PTPN13: variants seen among roughly 807,000 people sequenced by gnomAD.
PTPN13 encodes the protein tyrosine-protein phosphatase non-receptor type 13.
PTPN13 carries 191 observed loss-of-function variants against 284.0 expected under a neutral mutation model. The ratio of observed to expected loss-of-function variants is 0.67; its 90% CI spans 0.60 to 0.76. The LOEUF (loss-of-function observed/expected upper bound fraction) is 0.76. Ranked by LOEUF, PTPN13 falls within the 30% of genes least tolerant of loss-of-function variation. The probability of loss-of-function intolerance (pLI) is 0.00; values close to 1 mark genes in which losing one functional copy is unlikely to be tolerated. For synonymous variants in PTPN13, 986 were observed against 1,022.3 expected, an observed-to-expected ratio of 0.96 and a Z score of 0.68; for missense variants, 2,797 against 2,939.9, an observed-to-expected ratio of 0.95 and a Z score of 1.12.
At chr4:86,807,967 C>T (rs780797926) in intron 45 of PTPN13, 70 bp downstream of exon 45, 60 of 1,283,640 alleles carry the variant, frequency 4.7e-5, no homozygotes, top group Admixed American at 1.2e-4. Flanking sequence ...GGACTCTTTC[C>T]GTGATTGCAC....
chr4:86,756,326 T>TA (rs1204217358), intron 20 of PTPN13, among the ~76,000 whole-genome samples: 2 of 152,040 alleles, frequency 1.3e-5, no homozygotes, highest in African/African-American at 2.4e-5. Context: ...TTGTTCTAGC[T>TA]AAAAAATAGA....
rs1438619717 is a variant in PTPN13 at position 86,713,870 on chromosome 4, CTTA to C, written c.1196-2654_1196-2652del. Among the ~76,000 whole-genome samples the C allele has an allele frequency of 2.6e-5, 4 of 152,234 alleles. No individual in the cohort carries two copies. The East Asian group carries it at 5.8e-4, about 22-fold the overall frequency. On this transcript the variant is annotated intron_variant, in intron 7 of 47. Transcript: ENST00000411767. ...TCTATGGTACCATTTAACTATTTCA[CTTA>C]TTATTCTTTTTCTGTTAAGAATCTC...
At chr4:86,721,567 G>GATC (rs1189650885) in intron 9 of PTPN13, among the ~76,000 whole-genome samples, 2 of 152,100 alleles carry the variant, frequency 1.3e-5, no homozygotes, top group Non-Finnish European at 2.9e-5. Context: ...TAGGTAGTAT[G>GATC]ATCAGTTTCA....
chr4:86,643,210 G>A (rs1171142026), intron 2 of PTPN13, among the ~76,000 whole-genome samples: 1 of 152,092 alleles, frequency 6.6e-6, no homozygotes, highest in Non-Finnish European at 1.5e-5. Context: ...ATAGAATAAA[G>A]CATTTGATAA....
Position 86,767,947 on chromosome 4 carries a change from A to G in PTPN13, c.4460A>G (p.Gln1487Arg). The stretch of plus-strand genomic sequence containing the variant: ...CCAGAAAAAGTGAAGAAAACAACTC[A>G]GGTCAAAGACTACAGCTTTGTCACT... ...QGPEKVKKTT[Q>R]VKDYSFVTEE... Residue 1487 changes from glutamine (Q) to arginine (R), a missense_variant, in exon 28 of 48, where the codon CAG (glutamine) becomes CGG (arginine). By Grantham distance (43) the Gln-to-Arg change is conservative (BLOSUM62 1). Transcript: ENST00000411767. The G allele has an allele frequency of 6.2e-7, 1 of 1,611,690 alleles. No individual in the cohort carries two copies. The highest frequency in any genetic ancestry group is 8.5e-7 in the Non-Finnish European group (1 of 1,178,968).
rs146245341 is a variant in PTPN13, at chr4:86,793,416, C to T, written c.6346-3458C>T. Among the ~76,000 whole-genome samples the T allele has an allele frequency of 1.4e-3, 211 of 152,266 alleles. 2 individuals carry two copies. The highest frequency in any genetic ancestry group is 4.8e-3 in the African/African-American group (199 of 41,556). On this transcript the variant is annotated intron_variant, in intron 40 of 47. Coordinates refer to ENST00000411767, the MANE Select transcript of PTPN13 (RefSeq NM_080683.3). ...ACACAATAATAATGGGAGACTTTAA[C>T]ACCCCACTGTCAATATTAGACAGGT... is the stretch of plus-strand genomic sequence containing the variant.
At chr4:86,597,897 T>G (rs368060407) in intron 1 of PTPN13, among the ~76,000 whole-genome samples, 1 of 152,230 alleles carries the variant, frequency 6.6e-6, no homozygotes, top group African/African-American at 2.4e-5. Context: ...AGTGCTTGTT[T>G]AGATGTGTTT....
chr4:86,646,702 CACTCCT>C lies in PTPN13; in HGVS notation c.115+11333_115+11338del, dbSNP rs1724469143. ...AAAAGTTAAATATACCTGCCATATA[CACTCCT>C]AGTTACTTACTTAAAAGAGATGAAA... On this transcript the variant is annotated intron_variant, in intron 2 of 47. Coordinates refer to ENST00000411767, the MANE Select transcript of PTPN13 (RefSeq NM_080683.3). Among the ~76,000 whole-genome samples, 4 of 152,210 alleles carry C rather than the reference CACTCCT, an allele frequency of 2.6e-5. No individual in the cohort carries two copies. The South Asian group carries it at 8.3e-4, about 31-fold the overall frequency.
At chr4:86,665,834 A>G (rs987976615) in intron 2 of PTPN13, among the ~76,000 whole-genome samples, 1 of 152,124 alleles carries the variant, frequency 6.6e-6, no homozygotes, top group Non-Finnish European at 1.5e-5. Context: ...CTGTGGGGGG[A>G]AAATGCTAAG....
At chr4:86,610,941 G>C (rs1043215142) in intron 1 of PTPN13, among the ~76,000 whole-genome samples, 7 of 152,116 alleles carry the variant, frequency 4.6e-5, no homozygotes, top group Non-Finnish European at 1.0e-4. Context: ...TAAATAATTG[G>C]ATTTTTTGTG....
At chr4:86,683,495 C>T (rs1220320611) in intron 3 of PTPN13, among the ~76,000 whole-genome samples, 3 of 152,168 alleles carry the variant, frequency 2.0e-5, no homozygotes, top group Non-Finnish European at 2.9e-5. Flanking sequence ...TTCAGGCCTT[C>T]AACTGACTGG....
At chr4:86,686,355 A>G (rs1485731992) in intron 3 of PTPN13, among the ~76,000 whole-genome samples, 1 of 147,122 alleles carries the variant, frequency 6.8e-6, no homozygotes, top group Non-Finnish European at 1.5e-5. Flanking sequence ...ACTCTGCCTC[A>G]AAAAAAAAAA....
At chr4:86,690,553 A>G (rs1269694875) in intron 5 of PTPN13, among the ~76,000 whole-genome samples, 2 of 152,102 alleles carry the variant, frequency 1.3e-5, no homozygotes, top group East Asian at 3.9e-4. Context: ...TAAGACTAAT[A>G]TTCTTTAAAA....
At chr4:86,681,817 A>G (rs1728925013) in intron 3 of PTPN13, among the ~76,000 whole-genome samples, 1 of 152,016 alleles carries the variant, frequency 6.6e-6, no homozygotes, top group South Asian at 2.1e-4. Flanking sequence ...AATCCCAGCT[A>G]CTCAAGAGGC....
intron 30 of PTPN13, 72 bp from the exon 31 acceptor site, chr4:86,771,099 G>T (rs766185654): frequency 6.9e-7 from 1 of 1,445,958 alleles, no homozygotes; most frequent in Non-Finnish European, 9.2e-7. Context: ...GTTGTTCAAT[G>T]GTTTATTTTC....
intron 2 of PTPN13, among the ~76,000 whole-genome samples, chr4:86,668,013 C>T (rs1180373304): frequency 6.6e-6 from 1 of 152,116 alleles, no homozygotes; most frequent in Non-Finnish European, 1.5e-5. Flanking sequence ...TTTAAAAGAA[C>T]ATTGGAAAGA....
intron 3 of PTPN13, among the ~76,000 whole-genome samples, chr4:86,680,697 T>TAC (rs1728806604): frequency 6.6e-6 from 1 of 152,172 alleles, no homozygotes; most frequent in African/African-American, 2.4e-5. Context: ...CCCAATGAAG[T>TAC]ACAGATTCCT....
chr4:86,624,221 T>C (rs1721581941), intron 1 of PTPN13, among the ~76,000 whole-genome samples: 4 of 152,092 alleles, frequency 2.6e-5, no homozygotes, highest in Non-Finnish European at 5.9e-5. Context: ...TTCCCCACAA[T>C]AACTCCTGCC....
Position 86,606,711 on chromosome 4 carries a change from T to C in PTPN13, c.-6+11922T>C, listed in dbSNP as rs148316131. On this transcript the variant is annotated intron_variant, in intron 1 of 47. Transcript: ENST00000411767. ...AGTATTTTACCCACTCAAGACTAGATTTTTTTCTTAATTCTTGAAATAACA... is the reference window on the plus strand; with the variant it reads ...AGTATTTTACCCACTCAAGACTAGACTTTTTTCTTAATTCTTGAAATAACA... Among the ~76,000 whole-genome samples the C allele has an allele frequency of 3.4e-3, 511 of 151,976 alleles. 1 individual carries two copies. Among genetic ancestry groups the C allele is most frequent in the African/African-American group, 0.012 (494 of 41,558 alleles).
Sources: allele counts gnomAD v4.1 joint callset (sites outside exome capture counted in the v4.1 genomes callset), GRCh38; gene constraint gnomAD v4.1.1; transcripts MANE v1.5; gene names NCBI Gene and HGNC (gene_info 2026-07-23, HGNC 2026-07-21).